Variants in TMEM175 observed in about 807,000 individuals in gnomAD.
The protein encoded by TMEM175 is endosomal/lysosomal proton channel TMEM175.
In TMEM175, 36 loss-of-function variants were observed where a neutral mutation model predicts 36.5. The ratio of observed to expected loss-of-function variants is 0.99; its 90% CI spans 0.76 to 1.30. TMEM175 has a LOEUF of 1.30. TMEM175 is among the 50% of genes most tolerant of loss of function. The pLI, the probability that TMEM175 is intolerant of heterozygous loss-of-function variation, is 0.00. For synonymous variants in TMEM175, 339 were observed against 313.4 expected (o/e 1.08, Z -0.86); for missense variants, 705 against 692.8 (o/e 1.02, Z -0.20).
intron 3 of TMEM175, among the ~76,000 whole-genome samples, chr4:950,022 C>T (rs920760201): frequency 9.2e-5 from 14 of 152,144 alleles, no homozygotes; most frequent in Admixed American, 4.6e-4. Flanking sequence ...CTCCCACATG[C>T]GGATACACAG....
intron 1 of TMEM175, among the ~76,000 whole-genome samples, chr4:947,001 G>GACCGA (rs1728236042): frequency 6.8e-6 from 1 of 146,712 alleles, no homozygotes; most frequent in African/African-American, 2.5e-5. Flanking sequence ...CCGAGACCGA[G>GACCGA]GGAGAGCGCG....
At chr4:940,139 A>C (rs1727260492) in intron 1 of TMEM175, among the ~76,000 whole-genome samples, 2 of 152,148 alleles carry the variant, frequency 1.3e-5, no homozygotes, top group Admixed American at 1.3e-4. Context: ...GAAAAGGCAA[A>C]ATTATGAAGA....
chr4:944,601 G>A (rs912117519), intron 1 of TMEM175, among the ~76,000 whole-genome samples: 3 of 152,162 alleles, frequency 2.0e-5, no homozygotes, highest in African/African-American at 7.2e-5. Flanking sequence ...CACATACGGT[G>A]TGTGTATAAT....
At position 932,912 on chromosome 4, in the gene TMEM175, G is replaced by T. The variant is rs990231208; in HGVS notation, c.-32+372G>T. ...AGGAGAGGGCCAGGGTCTGGCCTGG[G>T]GCAGTGACCAGTAGTGGGAGCCGTG... On this transcript the variant is annotated intron_variant, in intron 1 of 10. Coordinates refer to ENST00000264771, the MANE Select transcript of TMEM175 (RefSeq NM_032326.4). This position sits in a 1 kb window ranked among gnomAD's most constrained non-coding sequence, Gnocchi z 4.0. Among the ~76,000 whole-genome samples, 2 of 152,224 alleles carry T rather than the reference G, an allele frequency of 1.3e-5. No individual in the cohort carries two copies. The highest frequency in any genetic ancestry group is 4.8e-5 in the African/African-American group (2 of 41,456).
intron 10 of TMEM175, chr4:956,300 C>T: frequency 3.1e-6 from 4 of 1,283,038 alleles, no homozygotes; most frequent in Non-Finnish European, 4.0e-6. Context: ...CTCCCAGTGC[C>T]CCCCATCGCT....
chr4:954,545 C>T lies in TMEM175; in HGVS notation c.628-860C>T, dbSNP rs1729377589. Among the ~76,000 whole-genome samples, 3 of 152,142 alleles carry T rather than the reference C, an allele frequency of 2.0e-5. No individual in the cohort carries two copies. The South Asian group carries it at 6.2e-4, about 32-fold the overall frequency. Reference sequence around the variant, plus strand: ...CTGCCGTGAGTGGCGCCGGTGTGAGCATTGTTGCGTGTGGAGCCACTGTGG... The same window carrying T: ...CTGCCGTGAGTGGCGCCGGTGTGAGTATTGTTGCGTGTGGAGCCACTGTGG... On this transcript the variant is annotated intron_variant, in intron 8 of 10. Transcript: ENST00000264771.
At chr4:952,263 C>T in intron 6 of TMEM175, 104 bp from the exon 7 acceptor site, 1 of 1,031,504 alleles carries the variant, frequency 9.7e-7, no homozygotes, top group East Asian at 2.4e-5. Flanking sequence ...ACCGCATCTC[C>T]CAGCGTCCCG....
At chr4:952,923 C>T (rs184121575) in intron 7 of TMEM175, among the ~76,000 whole-genome samples, 1 of 152,054 alleles carries the variant, frequency 6.6e-6, no homozygotes, top group Non-Finnish European at 1.5e-5. Flanking sequence ...TGAGACCCCC[C>T]ACATGCGGCC....
At chr4:953,050 G>C (rs1406596584) in intron 7 of TMEM175, 140 bp from the exon 8 acceptor site, 1 of 812,092 alleles carries the variant, frequency 1.2e-6, no homozygotes, top group Non-Finnish European at 1.9e-6. Flanking sequence ...ACCCCTGTGC[G>C]CGCGTGCCAT....
At chr4:950,998 TGCAGGGTGTGGATGGGA>T (rs1164711161) in intron 4 of TMEM175, among the ~76,000 whole-genome samples, 192 bp from the exon 5 acceptor site, 2 of 151,782 alleles carry the variant, frequency 1.3e-5, no homozygotes, top group African/African-American at 4.8e-5. Context: ...GTGCGGATGG[TGCAGGGTGTGGATGGGA>T]GCAGGGTGCT....
At chr4:956,691 A>C in intron 10 of TMEM175, 1 of 342,690 alleles carries the variant, frequency 2.9e-6, no homozygotes, top group Non-Finnish European at 5.6e-6. Context: ...TGATCTGCCC[A>C]CCTCGGCCTC....
chr4:953,425 G>A, intron 8 of TMEM175, 71 bp downstream of exon 8: 1 of 1,507,136 alleles, frequency 6.6e-7, no homozygotes, highest in Non-Finnish European at 8.9e-7. Flanking sequence ...TCCCCGCTGA[G>A]CAACAAACAC....
At position 947,789 on chromosome 4, in the gene TMEM175, GC is replaced by G. The variant is rs1438211639; in HGVS notation, c.56del (p.Pro19GlnfsTer33). On this transcript the variant is annotated frameshift_variant, in exon 2 of 11. Transcript: ENST00000264771. LOFTEE classifies it high-confidence loss of function. ...CAGGCACTGGATACACCGGGGGACT[GC>G]CCCCCAGGCAGGAGAGACGAGGACG... The part of the protein sequence containing the change: ...PEQALDTPGD[C>X]PPGRRDEDAG... The G allele has an allele frequency of 1.9e-6, 3 of 1,612,900 alleles. No individual in the cohort carries two copies. The highest frequency in any genetic ancestry group is 2.5e-6 in the Non-Finnish European group (3 of 1,179,926).
At chr4:948,019 G>C (rs1728406896) in intron 2 of TMEM175, 97 bp from the exon 3 acceptor site, 1 of 1,611,268 alleles carries the variant, frequency 6.2e-7, no homozygotes, top group African/African-American at 1.3e-5. Flanking sequence ...GCAGCTTAGG[G>C]GGGCCCAGCA....
At chr4:952,562 ACTGTGT>A (rs1729059373) in intron 7 of TMEM175, 112 bp downstream of exon 7, 1 of 850,390 alleles carries the variant, frequency 1.2e-6, no homozygotes, top group Non-Finnish European at 1.7e-6. Context: ...GGGGGCCTGC[ACTGTGT>A]GTGTGTGTGT....
chr4:948,250 C>T (rs576430766), intron 3 of TMEM175, 96 bp downstream of exon 3: 42 of 1,608,934 alleles, frequency 2.6e-5, no homozygotes, highest in Admixed American at 5.0e-5. Flanking sequence ...CTGCACGCCT[C>T]GAAGCTTCTG....
intron 10 of TMEM175, 73 bp from the exon 11 acceptor site, chr4:957,751 C>G: frequency 1.4e-6 from 2 of 1,469,704 alleles, no homozygotes; most frequent in Non-Finnish European, 1.8e-6. Flanking sequence ...CCCTGACAGG[C>G]GCTCAGCCAC....
rs34322727 is a variant in TMEM175, at chr4:955,837, C to T, written c.789C>T (p.Ala263=). ...HEPLSKERVE[A]FSDGVYAIVA... ...CACTCAGCAAGGAGCGCGTGGAAGC[C>T]TTCAGCGACGGAGTCTACGCCATCG... The change falls in exon 10 of 11, where the codon GCC becomes GCT. Residue 263 remains alanine (A), a synonymous_variant. Transcript: ENST00000264771. The T allele has an allele frequency of 3.0e-3, 4,912 of 1,614,090 alleles. 15 individuals are homozygous for T. Among genetic ancestry groups the T allele is most frequent in the Middle Eastern group, 0.011 (69 of 6,062 alleles).
intron 10 of TMEM175, chr4:956,222 C>T (rs1359742586): frequency 9.6e-7 from 1 of 1,040,672 alleles, no homozygotes; most frequent in Non-Finnish European, 1.3e-6. Flanking sequence ...TCCCCCTGCC[C>T]CAGGCCTCAC....
Sources: gnomAD v4.1 joint callset for allele counts (sites outside exome capture counted in the v4.1 genomes callset) on GRCh38, gnomAD v4.1.1 for gene constraint, Gnocchi (gnomAD v3.1) non-coding constraint, MANE v1.5 for transcripts, NCBI Gene and HGNC (gene_info 2026-07-23, HGNC 2026-07-21) for gene names.